PTN: variants seen among roughly 807,000 people sequenced by gnomAD.
The protein encoded by PTN is heparin affin regulatory protein.
PTN carries 18 observed loss-of-function variants against 24.1 expected under a neutral mutation model. The ratio of observed to expected loss-of-function variants is 0.75; its 90% CI spans 0.52 to 1.11. The LOEUF is 1.11. PTN is among the 50% of genes least tolerant of loss of function. PTN has a pLI of 0.00. For synonymous variants in PTN, 78 were observed against 68.6 expected (o/e 1.14, Z -0.67); for missense variants, 163 against 198.8 (o/e 0.82, Z 1.08).
At chr7:137,293,527 AT>A in intron 1 of PTN, among the ~76,000 whole-genome samples, 1 of 152,200 alleles carries the variant, frequency 6.6e-6, no homozygotes. Context: ...AGACAGAAAT[AT>A]TTTATCTTGG....
At chr7:137,342,899 C>T (rs139891316) in intron 1 of PTN, among the ~76,000 whole-genome samples, 5 of 152,036 alleles carry the variant, frequency 3.3e-5, no homozygotes, top group African/African-American at 1.2e-4. Flanking sequence ...CCAGTAGTTC[C>T]GTGAGAGACG....
intron 1 of PTN, among the ~76,000 whole-genome samples, chr7:137,257,337 A>G (rs1003268598): frequency 6.6e-6 from 1 of 152,198 alleles, no homozygotes; most frequent in Middle Eastern, 3.2e-3. Context: ...TTACTTTTGC[A>G]CCAACCTAAT....
rs1327770653 is a variant in PTN, at chr7:137,251,212, A to G, written c.451+18T>C. Reference sequence around the variant, plus strand: ...TCCATCAATCCATTAAAATTGTGGTATAATGGCAAGGACTTACCTTGAGGT... The same window carrying G: ...TCCATCAATCCATTAAAATTGTGGTGTAATGGCAAGGACTTACCTTGAGGT... On this transcript the variant is annotated intron_variant, in intron 4 of 4. Transcript: ENST00000348225. 1 of 1,612,418 alleles carries G rather than the reference A, an allele frequency of 6.2e-7. No individual in the cohort carries two copies. Among genetic ancestry groups the G allele is most frequent in the Non-Finnish European group, 8.5e-7 (1 of 1,178,492 alleles).
At chr7:137,307,759 A>G (rs891463794) in intron 1 of PTN, among the ~76,000 whole-genome samples, 17 of 152,130 alleles carry the variant, frequency 1.1e-4, no homozygotes, top group African/African-American at 4.1e-4. Flanking sequence ...ACACAAACCA[A>G]TACCAACAAC....
chr7:137,232,430 A>G (rs1808443834), intron 4 of PTN, among the ~76,000 whole-genome samples: 1 of 151,916 alleles, frequency 6.6e-6, no homozygotes, highest in Non-Finnish European at 1.5e-5. Context: ...AAAAAATAGT[A>G]GGTGTGTATT....
intron 1 of PTN, chr7:137,326,846 T>C (rs1464663147): frequency 6.6e-6 from 1 of 152,158 alleles, no homozygotes; most frequent in East Asian, 1.9e-4. Flanking sequence ...GACTGTCCTA[T>C]TCAAAAACAG....
intron 4 of PTN, among the ~76,000 whole-genome samples, chr7:137,244,927 C>A (rs186635971): frequency 6.6e-6 from 1 of 152,212 alleles, no homozygotes; most frequent in East Asian, 1.9e-4. Context: ...TAGCAACTCT[C>A]GATATTAAGC....
intron 4 of PTN, among the ~76,000 whole-genome samples, chr7:137,242,515 T>G (rs2128869419): frequency 6.6e-6 from 1 of 152,288 alleles, no homozygotes; most frequent in South Asian, 2.1e-4. Context: ...ATTCCCCTTT[T>G]CCAGATAAAC....
In PTN at chr7:137,318,505, G is replaced by A. The variant is rs142465991; in HGVS notation, c.-2+24934C>T. ...ACTTTTTTATATATTTGTGCTCATC[G>A]TATATAATTTTAAGAAAATAAATGG... On this transcript the variant is annotated intron_variant, in intron 1 of 4. Coordinates refer to ENST00000348225, the MANE Select transcript of PTN (RefSeq NM_002825.7). 8 of 152,242 alleles carry A rather than the reference G, an allele frequency of 5.3e-5. No homozygotes were observed. The East Asian group carries it at 1.3e-3, about 26-fold the overall frequency. 9.4% of individuals were successfully genotyped at this position (152,242 alleles called of 1,614,324 possible).
intron 1 of PTN, among the ~76,000 whole-genome samples, chr7:137,307,610 T>C (rs570497603): frequency 1.3e-5 from 2 of 152,260 alleles, no homozygotes; most frequent in South Asian, 4.1e-4. Flanking sequence ...TATATATATA[T>C]ATGTATTTAA....
chr7:137,292,677 A>AC (rs1194489157), intron 1 of PTN, among the ~76,000 whole-genome samples: 2 of 152,180 alleles, frequency 1.3e-5, no homozygotes, highest in African/African-American at 4.8e-5. Flanking sequence ...ATGCCATGTA[A>AC]ATGGCTGCTA....
At chr7:137,306,182 C>G (rs543412103) in intron 1 of PTN, among the ~76,000 whole-genome samples, 86 of 152,222 alleles carry the variant, frequency 5.6e-4, no homozygotes, top group African/African-American at 1.9e-3. Flanking sequence ...CTTTGTCCTT[C>G]CAGTTGCCCT....
chr7:137,243,170 C>T (rs1024502025), intron 4 of PTN, among the ~76,000 whole-genome samples: 4 of 152,098 alleles, frequency 2.6e-5, no homozygotes, highest in African/African-American at 9.7e-5. Flanking sequence ...CTCTTGACCT[C>T]GTGATCCGCC....
intron 1 of PTN, among the ~76,000 whole-genome samples, chr7:137,265,282 A>T (rs1178723731): frequency 6.6e-6 from 1 of 151,836 alleles, no homozygotes; most frequent in Non-Finnish European, 1.5e-5. Context: ...ACAATGTCTT[A>T]TTTTTTTTCC....
intron 1 of PTN, among the ~76,000 whole-genome samples, chr7:137,278,512 C>T (rs1050736964): frequency 2.0e-5 from 3 of 151,942 alleles, no homozygotes; most frequent in Non-Finnish European, 2.9e-5. Flanking sequence ...GTGGCTCTAA[C>T]AGTATTAGTC....
chr7:137,236,665 T>C (rs1014437380), intron 4 of PTN, among the ~76,000 whole-genome samples: 3 of 152,120 alleles, frequency 2.0e-5, no homozygotes, highest in African/African-American at 4.8e-5. Flanking sequence ...AAAAGAACGA[T>C]TTATCTCTAA....
intron 3 of PTN, among the ~76,000 whole-genome samples, chr7:137,252,477 A>T (rs1808845799): frequency 6.6e-6 from 1 of 151,906 alleles, no homozygotes; most frequent in Non-Finnish European, 1.5e-5. Flanking sequence ...AGTCTTTAAG[A>T]TATACCTTTT....
At chr7:137,238,670 G>C (rs930113198) in intron 4 of PTN, among the ~76,000 whole-genome samples, 3 of 152,174 alleles carry the variant, frequency 2.0e-5, no homozygotes, top group Non-Finnish European at 2.9e-5. Context: ...TCAAGTTCAA[G>C]ACTGATCATT....
chr7:137,318,457 C>T (rs1488727124), intron 1 of PTN: 1 of 152,180 alleles, frequency 6.6e-6, no homozygotes, highest in Non-Finnish European at 1.5e-5. Flanking sequence ...ATTTTATCAT[C>T]TGTGGCTCCA....
Sources: allele counts gnomAD v4.1 joint callset (sites outside exome capture counted in the v4.1 genomes callset), GRCh38; gene constraint gnomAD v4.1.1; transcripts MANE v1.5; gene names NCBI Gene and HGNC (gene_info 2026-07-23, HGNC 2026-07-21).